The following TEAD4 variants were observed in gnomAD, a reference collection of about 807,000 sequenced individuals.
The protein encoded by TEAD4 is TEA domain transcription factor 4.
A neutral mutation model predicts 52.4 loss-of-function variants in TEAD4; 36 were observed. That is an observed-to-expected ratio of 0.69 (90% CI 0.53 to 0.91). The LOEUF is 0.91. Among genes scored for constraint, TEAD4 ranks in the 40% least tolerant of loss-of-function variants. The probability of loss-of-function intolerance (pLI) is 0.00; values close to 1 mark genes in which losing one functional copy is unlikely to be tolerated. For missense variants in TEAD4, 508 were observed against 583.9 expected (o/e 0.87, Z 1.34); for synonymous variants, 220 against 231.0 (o/e 0.95, Z 0.43).
intron 4 of TEAD4, 90 bp downstream of exon 4, chr12:3,011,158 C>T (rs568039101): frequency 3.4e-5 from 48 of 1,409,156 alleles, no homozygotes; most frequent in Middle Eastern, 4.0e-4. Flanking sequence ...CAGGACCAGA[C>T]GCAGGCTTTT....
intron 2 of TEAD4, among the ~76,000 whole-genome samples, chr12:2,985,175 G>A (rs2098237115): frequency 3.3e-5 from 5 of 152,012 alleles, no homozygotes; most frequent in Admixed American, 3.3e-4. Context: ...ACGAGGTCAG[G>A]AGGTCGAGAC....
At chr12:2,983,942 A>G (rs549806254) in intron 2 of TEAD4, among the ~76,000 whole-genome samples, 1 of 152,354 alleles carries the variant, frequency 6.6e-6, no homozygotes, top group South Asian at 2.1e-4. Flanking sequence ...GGATATGGAA[A>G]TGCAGGAATC....
chr12:3,024,163 C>A (rs10774097), intron 10 of TEAD4, among the ~76,000 whole-genome samples: 105,792 of 151,210 alleles, frequency 0.7, 38,482 homozygotes, highest in East Asian at 0.97. Context: ...CAAGCTCCGC[C>A]TCCCGGGTTC....
intron 2 of TEAD4, among the ~76,000 whole-genome samples, chr12:2,962,968 G>A (rs1034658956): frequency 6.6e-6 from 1 of 152,188 alleles, no homozygotes; most frequent in Non-Finnish European, 1.5e-5. Context: ...GCGGAAGCTG[G>A]AGCAGACTGA....
intron 5 of TEAD4, among the ~76,000 whole-genome samples, chr12:3,014,817 C>T (rs1401545721): frequency 1.3e-5 from 2 of 152,194 alleles, no homozygotes; most frequent in African/African-American, 4.8e-5. Flanking sequence ...TTCCTGAGCC[C>T]CAGCCGTTTG....
At chr12:3,037,587 AC>A (rs1277218661) in intron 10 of TEAD4, among the ~76,000 whole-genome samples, 2 of 152,174 alleles carry the variant, frequency 1.3e-5, no homozygotes, top group African/African-American at 4.8e-5. Flanking sequence ...ACGCATTCAA[AC>A]TAAAATAGAG....
At chr12:3,031,435 C>G (rs992605947) in intron 10 of TEAD4, among the ~76,000 whole-genome samples, 5 of 152,330 alleles carry the variant, frequency 3.3e-5, no homozygotes, top group Non-Finnish European at 2.9e-5. Context: ...GACCCTCTTG[C>G]ACTAGCTCCT....
chr12:3,006,846 T>C (rs2098256320), intron 3 of TEAD4, among the ~76,000 whole-genome samples: 2 of 151,176 alleles, frequency 1.3e-5, no homozygotes, highest in Admixed American at 1.3e-4. Context: ...GCCAACATGG[T>C]AAAACCTGTC....
At position 3,020,697 on chromosome 12, in the gene TEAD4, G is replaced by A; in HGVS notation, c.647G>A (p.Gly216Asp). 2 of 1,608,830 alleles carry A rather than the reference G, an allele frequency of 1.2e-6. No individual in the cohort carries two copies. Among genetic ancestry groups the A allele is most frequent in the Non-Finnish European group, 1.7e-6 (2 of 1,177,586 alleles). Residue 216 changes from glycine (G) to aspartate (D), a missense_variant, in exon 9 of 13, where the codon GGC (glycine) becomes GAC (aspartate). Physicochemically the swap from Gly to Asp is moderately conservative, Grantham distance 94. Transcript: ENST00000359864. ...GCGCCCCCGGCACCCCCATGGCAGG[G>A]CCGCAGCGTGGCCAGCTCCAAGCTC...
rs181356009 is a variant in TEAD4, at chr12:3,028,020, A to C, written c.897+6003A>C. Among the ~76,000 whole-genome samples, 9 of 152,278 alleles carry C rather than the reference A, an allele frequency of 5.9e-5. No individual in the cohort carries two copies. The East Asian group carries it at 1.5e-3, about 26-fold the overall frequency. The stretch of plus-strand genomic sequence containing the variant: ...CACTCCTACCCCCCAGCCCTGTGCA[A>C]TAATCTACTTTCTGTCTTTGAAGCT... On this transcript the variant is annotated intron_variant, in intron 10 of 12. Coordinates refer to ENST00000359864, the MANE Select transcript of TEAD4 (RefSeq NM_003213.4).
intron 10 of TEAD4, among the ~76,000 whole-genome samples, chr12:3,032,185 C>A (rs541313112): frequency 1.1e-3 from 167 of 152,204 alleles, no homozygotes; most frequent in Non-Finnish European, 2.0e-3. Flanking sequence ...TTGGTAGTGG[C>A]CTGTGTCCTC....
intron 2 of TEAD4, among the ~76,000 whole-genome samples, chr12:2,973,851 G>T (rs951412167): frequency 1.3e-5 from 2 of 152,158 alleles, no homozygotes; most frequent in Admixed American, 1.3e-4. Flanking sequence ...TTCTGGAATG[G>T]GAGGCGCGGT....
intron 2 of TEAD4, among the ~76,000 whole-genome samples, chr12:2,980,394 G>A (rs4766020): frequency 0.76 from 115,178 of 152,080 alleles, 44,530 homozygotes; most frequent in Middle Eastern, 0.85. Flanking sequence ...TGCATCCCTC[G>A]TGCTGCAGAG....
intron 2 of TEAD4, among the ~76,000 whole-genome samples, chr12:2,991,717 G>A (rs1237335722): frequency 1.3e-5 from 2 of 151,788 alleles, no homozygotes; most frequent in Non-Finnish European, 2.9e-5. Flanking sequence ...TTCATGTTCA[G>A]GATAGAATCA....
At chr12:2,965,147 G>A (rs1046534335) in intron 2 of TEAD4, among the ~76,000 whole-genome samples, 25 of 152,072 alleles carry the variant, frequency 1.6e-4, no homozygotes, top group Non-Finnish European at 5.9e-5. Context: ...CCAATTCTTG[G>A]TTAGATTTTG....
intron 2 of TEAD4, among the ~76,000 whole-genome samples, chr12:2,985,732 C>T (rs2098237859): frequency 6.6e-6 from 1 of 151,984 alleles, no homozygotes. Context: ...CCTCGAGCTC[C>T]TGACCTCGTG....
At chr12:2,973,810 T>C (rs1276931841) in intron 2 of TEAD4, among the ~76,000 whole-genome samples, 1 of 152,154 alleles carries the variant, frequency 6.6e-6, no homozygotes, top group Admixed American at 6.5e-5. Context: ...ACCACTTCCA[T>C]GGCCTTGTTT....
chr12:3,025,953 G>A (rs1176377208), intron 10 of TEAD4, among the ~76,000 whole-genome samples: 1 of 151,318 alleles, frequency 6.6e-6, no homozygotes, highest in African/African-American at 2.4e-5. Flanking sequence ...TTTTCCTCTG[G>A]AAGTTGTAAT....
rs376024152 is a variant in TEAD4 at position 2,982,196 on chromosome 12, A to C, written c.-29-12542A>C. The stretch of plus-strand genomic sequence containing the variant: ...CCTGTCCTGAAAGTGTTTTTGGAGG[A>C]GCTTACTGTTCTGAGTATTAGGGAG... On this transcript the variant is annotated intron_variant, in intron 2 of 12. Coordinates refer to ENST00000359864, the MANE Select transcript of TEAD4 (RefSeq NM_003213.4). 4.6e-5 allele frequency among the ~76,000 whole-genome samples: 7 copies of C among 152,150 alleles called. No homozygotes were observed. The South Asian group carries it at 1.5e-3, about 32-fold the overall frequency.
Sources: gnomAD v4.1 joint callset for allele counts (sites outside exome capture counted in the v4.1 genomes callset) on GRCh38, gnomAD v4.1.1 for gene constraint, MANE v1.5 for transcripts, NCBI Gene and HGNC (gene_info 2026-07-23, HGNC 2026-07-21) for gene names.